ANAPC16: variants seen among roughly 807,000 people sequenced by gnomAD.
ANAPC16 encodes anaphase promoting complex subunit 16.
Under a neutral mutation model 13.1 loss-of-function variants are expected in ANAPC16, and 6 were observed. That is an observed-to-expected ratio of 0.46 (90% CI 0.25 to 0.90). The LOEUF (loss-of-function observed/expected upper bound fraction) is 0.90, where lower values mean the gene tolerates loss of function less well. ANAPC16 is among the 40% of genes least tolerant of loss of function. The pLI is 0.18. For synonymous variants in ANAPC16, 55 were observed against 51.3 expected (o/e 1.07, Z -0.31); for missense variants, 113 against 131.1 (o/e 0.86, Z 0.67).
At chr10:72,230,491 GGTGGA>G (rs1339525842) in intron 3 of ANAPC16, 51 bp downstream of exon 3, 2 of 1,506,314 alleles carry the variant, frequency 1.3e-6, no homozygotes, top group East Asian at 4.5e-5. Flanking sequence ...TTTGCTAGGG[GGTGGA>G]TGAGGCTGTG....
Position 72,233,005 on chromosome 10 carries a change from G to A in ANAPC16, c.222G>A (p.Gln74=). ...ASTLKQVKHD[Q]QVARMEKLAG... is the part of the protein sequence containing the mutation. ...TCTTTCCTTGACTCCTTACAGATCA[G>A]CAAGTTGCTCGGATGGAAAAACTAG... Residue 74 remains glutamine (Q), a synonymous_variant, in exon 4 of 4, where the codon CAG becomes CAA. Coordinates refer to ENST00000299381, the MANE Select transcript of ANAPC16 (RefSeq NM_173473.4). 3 of 1,613,956 alleles carry A rather than the reference G, an allele frequency of 1.9e-6. No homozygotes were observed. Among genetic ancestry groups the A allele is most frequent in the Non-Finnish European group, 2.5e-6 (3 of 1,179,864 alleles).
At chr10:72,232,411 G>C (rs1002105748) in intron 3 of ANAPC16, among the ~76,000 whole-genome samples, 1 of 150,742 alleles carries the variant, frequency 6.6e-6, no homozygotes, top group Admixed American at 6.6e-5. Flanking sequence ...GGGCACGATG[G>C]CGGGTGCCTG....
chr10:72,228,610 AG>A (rs1413005609), intron 2 of ANAPC16, among the ~76,000 whole-genome samples: 12 of 152,166 alleles, frequency 7.9e-5, no homozygotes, highest in South Asian at 2.1e-4. Flanking sequence ...TAAATGGAAG[AG>A]ATTGCCCCCA....
chr10:72,219,215 T>C (rs1052073842), intron 1 of ANAPC16, among the ~76,000 whole-genome samples: 1 of 152,210 alleles, frequency 6.6e-6, no homozygotes, highest in African/African-American at 2.4e-5. Context: ...GTTGTCTGTA[T>C]ACTTTATTTG....
chr10:72,223,809 G>A, intron 1 of ANAPC16, 79 bp from the exon 2 acceptor site: 1 of 1,147,912 alleles, frequency 8.7e-7, no homozygotes, highest in Non-Finnish European at 1.2e-6. Context: ...CTGTATGCTG[G>A]CCCTTACAGC....
At chr10:72,229,904 G>A (rs1056781609) in intron 2 of ANAPC16, among the ~76,000 whole-genome samples, 2 of 152,196 alleles carry the variant, frequency 1.3e-5, no homozygotes, top group African/African-American at 4.8e-5. Context: ...GATGTAATTT[G>A]ATATATTAAA....
chr10:72,233,153 G>A lies in ANAPC16; in HGVS notation c.*37G>A. The A allele has an allele frequency of 1.3e-6, 2 of 1,560,884 alleles. No homozygotes were observed. Among genetic ancestry groups the A allele is most frequent in the Admixed American group, 1.7e-5 (1 of 59,526 alleles). On this transcript the variant is annotated 3_prime_UTR_variant, in exon 4 of 4. Coordinates refer to ENST00000299381, the MANE Select transcript of ANAPC16 (RefSeq NM_173473.4). ...TGGTCACCTCTGGTGCGCAGCAAGT[G>A]CAAAGCCAGTGGGGGACTTTCTCAC...
chr10:72,218,781 A>T (rs1288784658), intron 1 of ANAPC16, among the ~76,000 whole-genome samples: 3 of 152,228 alleles, frequency 2.0e-5, no homozygotes, highest in African/African-American at 7.2e-5. Flanking sequence ...CTTTAGAGCT[A>T]GAAATTACTT....
rs1371358850 is a variant in ANAPC16, at chr10:72,216,146, G to A, written c.-28+8G>A. The A allele has an allele frequency of 6.5e-6, 1 of 152,850 alleles. No individual in the cohort carries two copies. The highest frequency in any genetic ancestry group is 1.5e-5 in the Non-Finnish European group (1 of 68,502). The allele number at this position is 152,850 out of a possible 1,614,324, so 9.5% of individuals were successfully genotyped here. On this transcript the variant is annotated splice_region_variant and intron_variant, in intron 1 of 3. Coordinates refer to ENST00000299381, the MANE Select transcript of ANAPC16 (RefSeq NM_173473.4). ...AGTGCTAAAGCCGCTGAGGTAAGAG[G>A]CCGAGGGGTCGAGGGCCCTCGGGAG...
chr10:72,232,901 G>A (rs865947925), intron 3 of ANAPC16, 100 bp from the exon 4 acceptor site: 1 of 960,730 alleles, frequency 1.0e-6, no homozygotes, highest in Non-Finnish European at 1.6e-6. Flanking sequence ...ACCACACCCG[G>A]CCTAGAAATT....
chr10:72,231,919 G>A (rs906579977), intron 3 of ANAPC16, among the ~76,000 whole-genome samples: 1 of 152,048 alleles, frequency 6.6e-6, no homozygotes, highest in East Asian at 1.9e-4. Flanking sequence ...GGGCACGGTG[G>A]CTCATGCCTA....
chr10:72,226,108 C>T (rs989105877), intron 2 of ANAPC16, among the ~76,000 whole-genome samples: 2 of 151,128 alleles, frequency 1.3e-5, no homozygotes, highest in African/African-American at 2.4e-5. Context: ...CTCTGCCTCC[C>T]GGGTTCAAGT....
rs191713708 is a variant in ANAPC16 at position 72,231,033 on chromosome 10, G to A, written c.217+593G>A. 8.6e-4 allele frequency among the ~76,000 whole-genome samples: 131 copies of A among 152,142 alleles called. 1 individual carries two copies. In the Middle Eastern group the frequency reaches 0.01, roughly 12 times the overall value. On this transcript the variant is annotated intron_variant, in intron 3 of 3. Transcript: ENST00000299381. Reference sequence around the variant, plus strand: ...TCAAGTATTTGTACGATACCTCCTGGTCTGTCTATACTCTAACATCCTGAT... The same window carrying A: ...TCAAGTATTTGTACGATACCTCCTGATCTGTCTATACTCTAACATCCTGAT...
chr10:72,229,674 A>T (rs988405612), intron 2 of ANAPC16, among the ~76,000 whole-genome samples: 1 of 152,188 alleles, frequency 6.6e-6, no homozygotes, highest in Non-Finnish European at 1.5e-5. Flanking sequence ...GAATAACATG[A>T]ACTAGCTTAT....
At chr10:72,226,253 A>C (rs1169507255) in intron 2 of ANAPC16, among the ~76,000 whole-genome samples, 1 of 151,934 alleles carries the variant, frequency 6.6e-6, no homozygotes, top group South Asian at 2.1e-4. Flanking sequence ...TCCTGACCTC[A>C]AATGATCTGC....
intron 1 of ANAPC16, among the ~76,000 whole-genome samples, chr10:72,222,017 C>T (rs998409884): frequency 6.0e-5 from 9 of 150,978 alleles, no homozygotes; most frequent in Admixed American, 4.0e-4. Context: ...TGTGAGCCAC[C>T]GCACCCGGCC....
chr10:72,231,459 T>C (rs1475796685), intron 3 of ANAPC16, among the ~76,000 whole-genome samples: 1 of 151,778 alleles, frequency 6.6e-6, no homozygotes, highest in African/African-American at 2.4e-5. Flanking sequence ...GGACGATCGC[T>C]TCAGCCCAGG....
intron 1 of ANAPC16, among the ~76,000 whole-genome samples, chr10:72,218,506 C>T (rs1589704935): frequency 6.6e-6 from 1 of 152,176 alleles, no homozygotes; most frequent in East Asian, 1.9e-4. Flanking sequence ...ATTGTCTCTA[C>T]ACCTCAGTTT....
At chr10:72,232,179 T>C in intron 3 of ANAPC16, among the ~76,000 whole-genome samples, 2 of 112,844 alleles carry the variant, frequency 1.8e-5, no homozygotes, top group African/African-American at 3.8e-5. Context: ...AGGGTGAAAC[T>C]CTGTCTCAAA....
Sources: allele counts gnomAD v4.1 joint callset (sites outside exome capture counted in the v4.1 genomes callset), GRCh38; gene constraint gnomAD v4.1.1; transcripts MANE v1.5; gene names NCBI Gene and HGNC (gene_info 2026-07-23, HGNC 2026-07-21).